Variants in SLC14A1 observed in about 807,000 individuals in gnomAD.
SLC14A1 encodes urea transporter 1.
Under a neutral mutation model 39.6 loss-of-function variants are expected in SLC14A1, and 36 were observed. The observed-to-expected ratio is 0.91, with a 90% confidence interval of 0.70 to 1.20. The LOEUF is 1.20. SLC14A1 is among the 50% of genes most tolerant of loss of function. SLC14A1 has a pLI of 0.00. For synonymous variants in SLC14A1, 164 were observed against 173.6 expected (o/e 0.94, Z 0.43); for missense variants, 469 against 478.7 (o/e 0.98, Z 0.19).
chr18:45,731,702 TAAG>T (rs1466972537), intron 4 of SLC14A1: 2 of 215,984 alleles, frequency 9.3e-6, no homozygotes, highest in African/African-American at 4.6e-5. Context: ...GATTCTGACT[TAAG>T]AAGCCTTAGT....
chr18:45,731,534 G>T, intron 4 of SLC14A1: 1 of 366,060 alleles, frequency 2.7e-6, no homozygotes, highest in Non-Finnish European at 5.2e-6. Flanking sequence ...ATTCTATTTG[G>T]GAAAAAGTGC....
chr18:45,732,307 G>T (rs979503476), intron 4 of SLC14A1, among the ~76,000 whole-genome samples: 11 of 152,142 alleles, frequency 7.2e-5, no homozygotes, highest in Admixed American at 5.2e-4. Context: ...TTTAACTATG[G>T]CATTCCACAA....
chr18:45,732,593 G>A (rs912387428), intron 4 of SLC14A1, among the ~76,000 whole-genome samples: 1 of 152,038 alleles, frequency 6.6e-6, no homozygotes, highest in African/African-American at 2.4e-5. Flanking sequence ...TCCTGGCCCA[G>A]TTAGAAACAA....
rs1257263980 is a variant in SLC14A1, at chr18:45,739,658, C to G, written c.942C>G (p.Gly314=). The G allele has an allele frequency of 3.1e-6, 5 of 1,614,188 alleles. No homozygotes were observed. In the South Asian group the frequency reaches 5.5e-5, roughly 18 times the overall value. ...GGCAAACCCACCTCCTGGCTCTTGG[C>G]TGTGGTGAGTCTCCCACGCCCCTGG... is the stretch of plus-strand genomic sequence containing the variant. ...LTWQTHLLAL[G]CALFTAYLGV... is the part of the protein sequence containing the mutation. The change falls in exon 8 of 10, where the codon GGC becomes GGG. Residue 314 remains glycine, a synonymous_variant. Coordinates refer to ENST00000321925, the MANE Select transcript of SLC14A1 (RefSeq NM_015865.7).
In SLC14A1 at chr18:45,734,285, C is replaced by T. The variant is rs1316900427; in HGVS notation, c.353C>T (p.Ala118Val). 4.3e-6 allele frequency: 7 copies of T among 1,613,904 alleles called. No homozygotes were observed. Among genetic ancestry groups the T allele is most frequent in the Non-Finnish European group, 5.9e-6 (7 of 1,179,962 alleles). Reference sequence around the variant, plus strand: ...CTCTTGCCCCACAGGTCATTAATAGCATCTGGGCTCTATGGCTACAATGCC... The same window carrying T: ...CTCTTGCCCCACAGGTCATTAATAGTATCTGGGCTCTATGGCTACAATGCC... ...LLLSQDRSLI[A>V]SGLYGYNATL... is the part of the protein sequence containing the mutation. The change falls in exon 5 of 10, where the codon GCA (alanine) becomes GTA (valine). Residue 118 changes from alanine to valine, a missense_variant. Ala to Val is a moderately conservative substitution (Grantham distance 64). Coordinates refer to ENST00000321925, the MANE Select transcript of SLC14A1 (RefSeq NM_015865.7).
chr18:45,736,620 T>C lies in SLC14A1; in HGVS notation c.635T>C (p.Ile212Thr). 1 of 1,614,074 alleles carries C rather than the reference T, an allele frequency of 6.2e-7. No individual in the cohort carries two copies. The highest frequency in any genetic ancestry group is 8.5e-7 in the Non-Finnish European group (1 of 1,180,004). The change falls in exon 6 of 10, where the codon ATC (isoleucine) becomes ACC (threonine). Residue 212 changes from isoleucine to threonine, a missense_variant. Coordinates refer to ENST00000321925, the MANE Select transcript of SLC14A1 (RefSeq NM_015865.7). The stretch of plus-strand genomic sequence containing the variant: ...ATACCTATAACTACAGCTCCAAATA[T>C]CTCCTGGTCTGACCTCAGTGCCCTG... ...LVIPITTAPN[I>T]SWSDLSALEL...
At chr18:45,743,589 A>G (rs2047454896) in intron 8 of SLC14A1, among the ~76,000 whole-genome samples, 1 of 152,212 alleles carries the variant, frequency 6.6e-6, no homozygotes, top group Admixed American at 6.5e-5. Context: ...ATCTTAGAAA[A>G]TGGAAGTTAC....
At chr18:45,742,611 G>A (rs1303285003) in intron 8 of SLC14A1, among the ~76,000 whole-genome samples, 2 of 151,556 alleles carry the variant, frequency 1.3e-5, no homozygotes, top group African/African-American at 4.9e-5. Context: ...GTCCACCCCG[G>A]CCTCCCAAAG....
chr18:45,737,911 CTGAA>C (rs535713813), intron 6 of SLC14A1, among the ~76,000 whole-genome samples: 1 of 152,202 alleles, frequency 6.6e-6, no homozygotes, highest in Non-Finnish European at 1.5e-5. Flanking sequence ...CCTTCTCACT[CTGAA>C]TGAACAGCCC....
intron 6 of SLC14A1, 52 bp from the exon 7 acceptor site, chr18:45,739,111 G>A: frequency 1.9e-6 from 3 of 1,605,046 alleles, no homozygotes; most frequent in Non-Finnish European, 2.6e-6. Context: ...TGTCCTGTGG[G>A]TTTCTGTTCA....
chr18:45,743,994 C>T (rs1254037531), intron 8 of SLC14A1, among the ~76,000 whole-genome samples: 1 of 146,734 alleles, frequency 6.8e-6, no homozygotes, highest in East Asian at 2.0e-4. Flanking sequence ...TTCACTCTGA[C>T]TTAGTTCATA....
At chr18:45,738,679 T>C (rs11082467) in intron 6 of SLC14A1, among the ~76,000 whole-genome samples, 63,954 of 152,110 alleles carry the variant, frequency 0.42, 14,208 homozygotes, top group East Asian at 0.52. Flanking sequence ...CTGGCTTTAG[T>C]GTAAGCATCC....
In SLC14A1 at chr18:45,730,315, A is replaced by G. The variant is rs2046990246; in HGVS notation, c.-6A>G. 6.2e-7 allele frequency: 1 copy of G among 1,612,750 alleles called. No homozygotes were observed. Among genetic ancestry groups the G allele is most frequent in the East Asian group, 2.2e-5 (1 of 44,842 alleles). On this transcript the variant is annotated 5_prime_UTR_variant, in exon 3 of 10. Coordinates refer to ENST00000321925, the MANE Select transcript of SLC14A1 (RefSeq NM_015865.7). ...TTCCCTCAAGGAGCCAGAGGAAGAG[A>G]TAGCCATGGAGGACAGCCCCACTAT...
Position 45,727,220 on chromosome 18 carries a change from C to G in SLC14A1, c.-22+2207C>G, listed in dbSNP as rs892627675. ...TGGTCATTAGAGCTAGGGCACACGT[C>G]ATGCTGATTCACATATTTTTGCCCT... On this transcript the variant is annotated intron_variant, in intron 2 of 9. Transcript: ENST00000321925. 1.2e-5 allele frequency: 18 copies of G among 1,540,514 alleles called. No homozygotes were observed. In the Admixed American group the frequency reaches 3.3e-4, roughly 29 times the overall value.
chr18:45,728,897 G>A (rs2046942996), intron 2 of SLC14A1: 1 of 152,160 alleles, frequency 6.6e-6, no homozygotes, highest in Non-Finnish European at 1.5e-5. Flanking sequence ...TGGGCAGTGA[G>A]GTAATACAAT....
At position 45,751,284 on chromosome 18, in the gene SLC14A1, G is replaced by A. The variant is rs1274291280; in HGVS notation, c.*1333G>A. 4.4e-6 allele frequency: 3 copies of A among 683,702 alleles called. No individual in the cohort carries two copies. Among genetic ancestry groups the A allele is most frequent in the African/African-American group, 2.0e-5 (1 of 49,906 alleles). The allele number at this position is 683,702 out of a possible 1,614,324, so 42.4% of individuals were successfully genotyped here. A position where few individuals can be genotyped will look rare whatever the true frequency, so the allele number is the denominator to read the frequency against. On this transcript the variant is annotated 3_prime_UTR_variant, in exon 10 of 10. Transcript: ENST00000321925. Reference sequence around the variant, plus strand: ...GAGCCCAGGAGGAGGAGGCTGCAGTGAGCTAAGATTGCACCACTGCACTCC... The same window carrying A: ...GAGCCCAGGAGGAGGAGGCTGCAGTAAGCTAAGATTGCACCACTGCACTCC...
At position 45,748,360 on chromosome 18, in the gene SLC14A1, C is replaced by A. The variant is rs778842969; in HGVS notation, c.947-16C>A. On this transcript the variant is annotated splice_polypyrimidine_tract_variant and intron_variant, in intron 8 of 9. Coordinates refer to ENST00000321925, the MANE Select transcript of SLC14A1 (RefSeq NM_015865.7). ...TCTACGAAGCATTGTTCTTTCCCTC[C>A]TTTTTTTTTCTGTAGCCCTGTTCAC... 10 of 1,514,000 alleles carry A rather than the reference C, an allele frequency of 6.6e-6. No individual in the cohort carries two copies. The highest frequency in any genetic ancestry group is 9.1e-6 in the Non-Finnish European group (10 of 1,095,052). The allele number at this position is 1,514,000 out of a possible 1,614,324, so 93.8% of individuals were successfully genotyped here.
At chr18:45,745,208 C>G (rs28898891) in intron 8 of SLC14A1, among the ~76,000 whole-genome samples, 2,740 of 152,318 alleles carry the variant, frequency 0.018, 81 homozygotes, top group African/African-American at 0.062. Context: ...TGCCACTGCA[C>G]TCCAGCCTGG....
At chr18:45,747,848 T>C (rs879695864) in intron 8 of SLC14A1, among the ~76,000 whole-genome samples, 1 of 152,228 alleles carries the variant, frequency 6.6e-6, no homozygotes, top group Admixed American at 6.5e-5. Context: ...GGTTTTGTTT[T>C]GGTTTTTAGT....
Sources: gnomAD v4.1 joint callset for allele counts (sites outside exome capture counted in the v4.1 genomes callset) on GRCh38, gnomAD v4.1.1 for gene constraint, MANE v1.5 for transcripts, NCBI Gene and HGNC (gene_info 2026-07-23, HGNC 2026-07-21) for gene names.